COQ4: variants seen among roughly 807,000 people sequenced by gnomAD.
COQ4 encodes the protein ubiquinone biosynthesis protein COQ4 homolog, mitochondrial.
In COQ4, 36 loss-of-function variants were observed where a neutral mutation model predicts 30.2. The ratio of observed to expected loss-of-function variants is 1.19; its 90% CI spans 0.91 to 1.57. The LOEUF is 1.57. Among genes scored for constraint, COQ4 ranks in the 40% most tolerant of loss-of-function variants. COQ4 has a pLI of 0.00. For synonymous variants in COQ4, 197 were observed against 161.0 expected (o/e 1.22, Z -1.69); for missense variants, 369 against 371.9 (o/e 0.99, Z 0.07).
chr9:128,331,331 T>A (rs1404461538), intron 4 of COQ4: 1 of 152,148 alleles, frequency 6.6e-6, no homozygotes, highest in Non-Finnish European at 1.5e-5. Context: ...GTACAGTTAT[T>A]TTGAGTGCCA....
chr9:128,327,494 A>G (rs1400473994), intron 4 of COQ4, among the ~76,000 whole-genome samples: 2 of 152,128 alleles, frequency 1.3e-5, no homozygotes, highest in Admixed American at 6.6e-5. Flanking sequence ...AAATGTTTCA[A>G]GTAATTAGAA....
Position 128,323,164 on chromosome 9 carries a change from C to G in COQ4, c.202+17C>G. On this transcript the variant is annotated intron_variant, in intron 2 of 6. Coordinates refer to ENST00000300452, the MANE Select transcript of COQ4 (RefSeq NM_016035.5). ...ACCGCCACGGTAAGGCCGCCCGCGC[C>G]TCGCCCCCGTGGGGGCGGCTTGGAG... 6.4e-7 allele frequency: 1 copy of G among 1,573,358 alleles called. No homozygotes were observed. Among genetic ancestry groups the G allele is most frequent in the Non-Finnish European group, 8.6e-7 (1 of 1,165,442 alleles).
At chr9:128,330,489 G>A (rs71497689) in intron 4 of COQ4, 14 of 152,062 alleles carry the variant, frequency 9.2e-5, no homozygotes, top group Non-Finnish European at 1.9e-4. Flanking sequence ...AAATTAAGGT[G>A]GAATTTTTTT....
Position 128,333,471 on chromosome 9 carries a change from C to T in COQ4, c.627-3C>T, listed in dbSNP as rs770501233. The T allele has an allele frequency of 1.3e-6, 2 of 1,520,678 alleles. No homozygotes were observed. The highest frequency in any genetic ancestry group is 2.4e-5 in the East Asian group (1 of 42,004). The allele number at this position is 1,520,678 out of a possible 1,614,324, so 94.2% of individuals were successfully genotyped here. ...GTTTTCTTTTTCCTCTGCTGCCCCACAGGAGCCTGCAAGTGCTGGTCTCGG... is the reference window on the plus strand; with the variant it reads ...GTTTTCTTTTTCCTCTGCTGCCCCATAGGAGCCTGCAAGTGCTGGTCTCGG... On this transcript the variant is annotated splice_region_variant and splice_polypyrimidine_tract_variant and intron_variant, in intron 6 of 6. Coordinates refer to ENST00000300452, the MANE Select transcript of COQ4 (RefSeq NM_016035.5).
intron 4 of COQ4, among the ~76,000 whole-genome samples, chr9:128,329,682 A>G (rs1832375055): frequency 6.6e-6 from 1 of 152,082 alleles, no homozygotes; most frequent in Non-Finnish European, 1.5e-5. Context: ...TGTTTTCCTT[A>G]TCTATATCTG....
rs1832454349 is a variant in COQ4, at chr9:128,333,703, A to G, written c.*58A>G. On this transcript the variant is annotated 3_prime_UTR_variant, in exon 7 of 7. Coordinates refer to ENST00000300452, the MANE Select transcript of COQ4 (RefSeq NM_016035.5). ...CCCATCCCCTGCTTCCCTTGGAGGC[A>G]GAGGGCTCCCTTGACTACCTTTGTT... is the stretch of plus-strand genomic sequence containing the variant. 13 of 1,405,790 alleles carry G rather than the reference A, an allele frequency of 9.2e-6. No homozygotes were observed. The highest frequency in any genetic ancestry group is 1.1e-5 in the Non-Finnish European group (12 of 1,063,622). 87.1% of individuals were successfully genotyped at this position (1,405,790 alleles called of 1,614,324 possible). A position where few individuals can be genotyped will look rare whatever the true frequency, so the allele number is the denominator to read the frequency against.
chr9:128,332,874 A>C lies in COQ4; in HGVS notation c.557A>C (p.Glu186Ala). The change falls in exon 6 of 7, where the codon GAG (glutamate) becomes GCG (alanine). Residue 186 changes from glutamate (E) to alanine (A), a missense_variant. Physicochemically the swap from Glu to Ala is moderately radical, Grantham distance 107. Coordinates refer to ENST00000300452, the MANE Select transcript of COQ4 (RefSeq NM_016035.5). ...GGGGAGATCGTGGTGAAATGGTTTGAGGCTGTCCAGACTGGCCTGCCCATG... is the reference window on the plus strand; with the variant it reads ...GGGGAGATCGTGGTGAAATGGTTTGCGGCTGTCCAGACTGGCCTGCCCATG... ...ILGEIVVKWFEAVQTGLPMCI... is the reference protein window; with the variant it reads ...ILGEIVVKWFAAVQTGLPMCI... The C allele has an allele frequency of 1.2e-6, 2 of 1,614,036 alleles. No individual in the cohort carries two copies. The highest frequency in any genetic ancestry group is 1.7e-6 in the Non-Finnish European group (2 of 1,179,902).
At chr9:128,332,969 C>T (rs112344590) in intron 6 of COQ4, 26 bp downstream of exon 6, 17 of 1,577,626 alleles carry the variant, frequency 1.1e-5, no homozygotes, top group African/African-American at 5.4e-5. Flanking sequence ...GTAGCTGGGT[C>T]GGGGTTGAGG....
At position 128,322,998 on chromosome 9, in the gene COQ4, C is replaced by A. The variant is rs1832235896; in HGVS notation, c.71-18C>A. ...GGCGCCCGGCTCCTCTGACCTCGGC[C>A]TTTTTCTTGCCCCGCAGAAATGCCC... On this transcript the variant is annotated intron_variant, in intron 1 of 6. Coordinates refer to ENST00000300452, the MANE Select transcript of COQ4 (RefSeq NM_016035.5). 1 of 1,610,442 alleles carries A rather than the reference C, an allele frequency of 6.2e-7. No homozygotes were observed. Among genetic ancestry groups the A allele is most frequent in the Admixed American group, 1.7e-5 (1 of 59,980 alleles).
Position 128,333,480 on chromosome 9 carries a change from G to A in COQ4, c.633G>A (p.Leu211=), listed in dbSNP as rs145544505. 1.3e-6 allele frequency: 2 copies of A among 1,531,954 alleles called. No individual in the cohort carries two copies. The highest frequency in any genetic ancestry group is 2.2e-5 in the Admixed American group (1 of 45,762). The allele number at this position is 1,531,954 out of a possible 1,614,324, so 94.9% of individuals were successfully genotyped here. Reference sequence around the variant, plus strand: ...TTCCTCTGCTGCCCCACAGGAGCCTGCAAGTGCTGGTCTCGGAGTTGATCC... The same window carrying A: ...TTCCTCTGCTGCCCCACAGGAGCCTACAAGTGCTGGTCTCGGAGTTGATCC... The part of the protein sequence containing the change: ...FGPIRLGAQS[L]QVLVSELIPW... The change falls in exon 7 of 7, where the codon CTG becomes CTA. Residue 211 remains leucine (L), a synonymous_variant. Transcript: ENST00000300452.
At chr9:128,325,000 T>C (rs1366532123) in intron 2 of COQ4, 143 bp from the exon 3 acceptor site, 1 of 607,732 alleles carries the variant, frequency 1.6e-6, no homozygotes, top group East Asian at 2.8e-5. Context: ...GCTGGGTAAT[T>C]TGCTAAGTGT....
intron 4 of COQ4, 65 bp from the exon 5 acceptor site, chr9:128,332,088 C>G (rs1832422326): frequency 6.6e-7 from 1 of 1,525,624 alleles, no homozygotes; most frequent in Non-Finnish European, 8.9e-7. Flanking sequence ...GTGTCAGAGA[C>G]AGACTGGCAA....
intron 4 of COQ4, among the ~76,000 whole-genome samples, chr9:128,326,788 C>T (rs898368134): frequency 6.6e-6 from 1 of 152,026 alleles, no homozygotes; most frequent in Non-Finnish European, 1.5e-5. Context: ...CCCGCTCTGC[C>T]ACCCAGGCTG....
chr9:128,326,000 A>G (rs765404445), intron 4 of COQ4, 119 bp downstream of exon 4: 1 of 871,370 alleles, frequency 1.1e-6, no homozygotes, highest in Non-Finnish European at 1.9e-6. Context: ...AGTGCTCTTC[A>G]GGCTCATGCC....
intron 4 of COQ4, among the ~76,000 whole-genome samples, chr9:128,328,063 A>T (rs1460769313): frequency 6.6e-6 from 1 of 152,184 alleles, no homozygotes; most frequent in Admixed American, 6.5e-5. Flanking sequence ...GAGTAGAGGG[A>T]ATGGCAAGGG....
At chr9:128,323,988 GTTTGT>G (rs1356012338) in intron 2 of COQ4, among the ~76,000 whole-genome samples, 1 of 151,750 alleles carries the variant, frequency 6.6e-6, no homozygotes, top group Non-Finnish European at 1.5e-5. Flanking sequence ...GTGGTTTTTT[GTTTGT>G]TTTGTTTTGA....
In COQ4 at chr9:128,325,809, C is replaced by T. The variant is rs758745776; in HGVS notation, c.330C>T (p.Leu110=). 2.6e-5 allele frequency: 42 copies of T among 1,614,094 alleles called. No homozygotes were observed. Among genetic ancestry groups the T allele is most frequent in the Admixed American group, 8.3e-5 (5 of 60,002 alleles). Reference sequence around the variant, plus strand: ...GTCCCCGGATTTCGACATCCACCCTCGACCTGGGCAAGCTCCAGAGCCTGC... The same window carrying T: ...GTCCCCGGATTTCGACATCCACCCTTGACCTGGGCAAGCTCCAGAGCCTGC... ...QERPRISTST[L]DLGKLQSLPE... is the part of the protein sequence containing the mutation. Residue 110 remains leucine (L), a synonymous_variant, in exon 4 of 7, where the codon CTC becomes CTT. Transcript: ENST00000300452.
intron 4 of COQ4, 182 bp from the exon 5 acceptor site, chr9:128,331,971 C>T (rs1029461851): frequency 3.7e-5 from 22 of 596,588 alleles, no homozygotes; most frequent in Non-Finnish European, 5.2e-5. Flanking sequence ...TCAGGTGATC[C>T]GCCCACCTTA....
chr9:128,326,737 C>T (rs1261639991), intron 4 of COQ4, among the ~76,000 whole-genome samples: 1 of 151,956 alleles, frequency 6.6e-6, no homozygotes, highest in East Asian at 1.9e-4. Flanking sequence ...GCCACAGCGC[C>T]CGGCCCATCC....
Sources: allele counts gnomAD v4.1 joint callset (sites outside exome capture counted in the v4.1 genomes callset), GRCh38; gene constraint gnomAD v4.1.1; transcripts MANE v1.5; gene names NCBI Gene and HGNC (gene_info 2026-07-23, HGNC 2026-07-21).